The following GUCA1C variants were observed in gnomAD, a reference collection of about 807,000 sequenced individuals.
The protein encoded by GUCA1C is guanylate cyclase activator 1C, also known as guanylyl cyclase-activating protein 3.
In GUCA1C, 15 loss-of-function variants were observed where a neutral mutation model predicts 16.2. That is an observed-to-expected ratio of 0.93 (90% confidence interval 0.62 to 1.43). GUCA1C has a LOEUF of 1.43. Among genes scored for constraint, GUCA1C ranks in the 40% most tolerant of loss-of-function variants. The pLI is 0.00. For missense variants in GUCA1C, 275 were observed against 244.8 expected (o/e 1.12, Z -0.82); for synonymous variants, 78 against 85.4 (o/e 0.91, Z 0.48).
chr3:108,940,114 CCAAA>C (rs762210371), intron 1 of GUCA1C, among the ~76,000 whole-genome samples: 39 of 152,080 alleles, frequency 2.6e-4, no homozygotes, highest in Non-Finnish European at 2.4e-4. Context: ...TTATGAAGTG[CCAAA>C]CAAATATGAT....
chr3:108,951,664 G>T (rs1402259515), intron 1 of GUCA1C, among the ~76,000 whole-genome samples: 1 of 152,044 alleles, frequency 6.6e-6, no homozygotes. Context: ...ATTTTATATT[G>T]AGATCCCCAC....
Position 108,920,440 on chromosome 3 carries a change from A to T in GUCA1C, c.350T>A (p.Phe117Tyr). 2 of 1,607,458 alleles carry T rather than the reference A, an allele frequency of 1.2e-6. No individual in the cohort carries two copies. Among genetic ancestry groups the T allele is most frequent in the Non-Finnish European group, 8.5e-7 (1 of 1,174,330 alleles). The change falls in exon 2 of 4, where the codon TTC (phenylalanine) becomes TAC (tyrosine). Residue 117 changes from phenylalanine (F) to tyrosine (Y), a missense_variant. By Grantham distance (22) the Phe-to-Tyr change is conservative (BLOSUM62 3). Coordinates refer to ENST00000261047, the MANE Select transcript of GUCA1C (RefSeq NM_005459.4). The part of the protein sequence containing the change: ...SIDKNELLDM[F>Y]MAVQALNGQQ... ...ATACTTTACTACTTCACTTACCATG[A>T]ACATGTCCAGTAGTTCATTTTTGTC... is the stretch of plus-strand genomic sequence containing the variant.
At chr3:108,926,558 G>A (rs920853323) in intron 1 of GUCA1C, among the ~76,000 whole-genome samples, 1 of 152,222 alleles carries the variant, frequency 6.6e-6, no homozygotes, top group African/African-American at 2.4e-5. Flanking sequence ...TCAGCTTACT[G>A]AAAGCTCTGC....
At chr3:108,930,611 T>C (rs920573706) in intron 1 of GUCA1C, among the ~76,000 whole-genome samples, 3 of 152,256 alleles carry the variant, frequency 2.0e-5, no homozygotes, top group Admixed American at 1.3e-4. Context: ...AAAGTCATTT[T>C]ACTACATTTA....
chr3:108,921,002 C>T (rs1024868414), intron 1 of GUCA1C, among the ~76,000 whole-genome samples: 5 of 152,138 alleles, frequency 3.3e-5, no homozygotes, highest in African/African-American at 9.7e-5. Context: ...TTACATTCTG[C>T]AAGTCTAGAT....
At chr3:108,915,950 C>G in intron 3 of GUCA1C, 177 bp downstream of exon 3, 1 of 647,796 alleles carries the variant, frequency 1.5e-6, no homozygotes, top group Non-Finnish European at 2.5e-6. Context: ...TGAATATGAT[C>G]AATAAATATT....
At chr3:108,918,023 T>C (rs1230074375) in intron 2 of GUCA1C, among the ~76,000 whole-genome samples, 2 of 152,106 alleles carry the variant, frequency 1.3e-5, no homozygotes, top group Non-Finnish European at 2.9e-5. Context: ...CCAGCCTGGG[T>C]GACAGAGCGA....
At chr3:108,938,142 C>T (rs1332041484) in intron 1 of GUCA1C, among the ~76,000 whole-genome samples, 1 of 152,094 alleles carries the variant, frequency 6.6e-6, no homozygotes, top group Non-Finnish European at 1.5e-5. Context: ...TATGTACTCT[C>T]TAATTTAGGA....
At chr3:108,920,415 A>G in intron 2 of GUCA1C, 21 bp downstream of exon 2, 1 of 1,590,132 alleles carries the variant, frequency 6.3e-7, no homozygotes, top group Non-Finnish European at 8.6e-7. Context: ...CCTGAAAAGG[A>G]TACTTTACTA....
chr3:108,927,721 A>G (rs1488083857), intron 1 of GUCA1C, among the ~76,000 whole-genome samples: 2 of 151,932 alleles, frequency 1.3e-5, no homozygotes, highest in Admixed American at 6.6e-5. Flanking sequence ...TCTGAATTCT[A>G]TTTTGCAGTT....
chr3:108,914,180 A>T (rs1946484634), intron 3 of GUCA1C, among the ~76,000 whole-genome samples: 1 of 152,158 alleles, frequency 6.6e-6, no homozygotes, highest in Admixed American at 6.5e-5. Flanking sequence ...TCGCTGACTT[A>T]TTGTTGTAAG....
At chr3:108,945,922 T>G (rs1323435957) in intron 1 of GUCA1C, among the ~76,000 whole-genome samples, 1 of 152,204 alleles carries the variant, frequency 6.6e-6, no homozygotes, top group South Asian at 2.1e-4. Flanking sequence ...TGTGAGCTGA[T>G]TGTTAAATTG....
chr3:108,936,876 T>C (rs1946732532), intron 1 of GUCA1C, among the ~76,000 whole-genome samples: 1 of 152,166 alleles, frequency 6.6e-6, no homozygotes, highest in Non-Finnish European at 1.5e-5. Context: ...GGGCCACCAC[T>C]TCTAGGGCCC....
At chr3:108,954,408 T>C (rs1012119143), upstream of GUCA1C, among the ~76,000 whole-genome samples, 5 of 152,176 alleles carry the variant, frequency 3.3e-5, no homozygotes, top group African/African-American at 9.7e-5. Context: ...AAGGAACATA[T>C]TGGGCTGTGT....
At chr3:108,946,228 A>C (rs1327890567) in intron 1 of GUCA1C, among the ~76,000 whole-genome samples, 1 of 152,202 alleles carries the variant, frequency 6.6e-6, no homozygotes, top group Non-Finnish European at 1.5e-5. Context: ...TCCAGACTCA[A>C]GCGATCCTCC....
At chr3:108,920,780 G>A (rs1334514762) in intron 1 of GUCA1C, among the ~76,000 whole-genome samples, 195 bp from the exon 2 acceptor site, 1 of 152,046 alleles carries the variant, frequency 6.6e-6, no homozygotes, top group Non-Finnish European at 1.5e-5. Flanking sequence ...TTACAATTAA[G>A]CGCCTTAAGT....
intron 1 of GUCA1C, among the ~76,000 whole-genome samples, chr3:108,943,963 A>T (rs1946816885): frequency 6.6e-6 from 1 of 152,138 alleles, no homozygotes; most frequent in Admixed American, 6.5e-5. Context: ...AATAACTTAT[A>T]GAAAAAATTT....
intron 2 of GUCA1C, among the ~76,000 whole-genome samples, chr3:108,919,028 G>A (rs577896156): frequency 5.9e-5 from 9 of 152,086 alleles, no homozygotes; most frequent in African/African-American, 1.4e-4. Context: ...GCCTCTTGAC[G>A]CAGATTACCA....
intron 1 of GUCA1C, among the ~76,000 whole-genome samples, chr3:108,931,098 G>C (rs1274642103): frequency 6.6e-6 from 1 of 152,198 alleles, no homozygotes; most frequent in Non-Finnish European, 1.5e-5. Flanking sequence ...ATTTACCAAA[G>C]AGTCACAGGA....
Sources: gnomAD v4.1 joint callset for allele counts (sites outside exome capture counted in the v4.1 genomes callset) on GRCh38, gnomAD v4.1.1 for gene constraint, MANE v1.5 for transcripts, NCBI Gene and HGNC (gene_info 2026-07-23, HGNC 2026-07-21) for gene names.